DLG2: variants seen among roughly 807,000 people sequenced by gnomAD.
The protein encoded by DLG2 is discs large MAGUK scaffold protein 2.
Under a neutral mutation model 132.5 loss-of-function variants are expected in DLG2, and 45 were observed. The observed-to-expected ratio is 0.34, with a 90% CI of 0.27 to 0.44. The LOEUF (loss-of-function observed/expected upper bound fraction) is 0.44, where lower values mean the gene tolerates loss of function less well. DLG2 is among the 20% of genes least tolerant of loss of function. DLG2 has a pLI of 1.00. For missense variants in DLG2, 1,045 were observed against 1,196.9 expected, an observed-to-expected ratio of 0.87 and a Z score of 1.87; for synonymous variants, 424 against 419.6, an observed-to-expected ratio of 1.01 and a Z score of -0.13.
intron 4 of DLG2, among the ~76,000 whole-genome samples, chr11:85,206,141 C>T (rs1301173284): frequency 6.6e-6 from 1 of 152,102 alleles, no homozygotes; most frequent in African/African-American, 2.4e-5. Context: ...TGATCTCTAT[C>T]TTCCTCCTGC....
chr11:85,255,844 G>C (rs909705146), intron 4 of DLG2, among the ~76,000 whole-genome samples: 27 of 152,274 alleles, frequency 1.8e-4, no homozygotes, highest in African/African-American at 6.5e-4. Context: ...GCAAGACTGA[G>C]TGGGAAAAGA....
At chr11:85,409,521 A>G (rs950519190) in intron 3 of DLG2, among the ~76,000 whole-genome samples, 2 of 151,966 alleles carry the variant, frequency 1.3e-5, no homozygotes, top group Non-Finnish European at 2.9e-5. Context: ...AAAAATGGAT[A>G]CAGAAAAGAA....
intron 10 of DLG2, among the ~76,000 whole-genome samples, chr11:84,082,247 T>C (rs540515586): frequency 6.6e-6 from 1 of 152,200 alleles, no homozygotes; most frequent in East Asian, 1.9e-4. Flanking sequence ...ACAATGCCTG[T>C]GTTATGGTAT....
chr11:84,255,317 C>A (rs1438235704), intron 7 of DLG2, among the ~76,000 whole-genome samples: 3 of 152,042 alleles, frequency 2.0e-5, no homozygotes, highest in African/African-American at 7.2e-5. Flanking sequence ...GCCATATACA[C>A]CCTCTTTATT....
chr11:85,543,087 A>G (rs762067064), intron 3 of DLG2, among the ~76,000 whole-genome samples: 12 of 152,050 alleles, frequency 7.9e-5, no homozygotes, highest in Non-Finnish European at 1.3e-4. Context: ...TGCTGCACCT[A>G]TCAACCCGTC....
chr11:84,835,722 C>G (rs983582603), intron 6 of DLG2, among the ~76,000 whole-genome samples: 7 of 151,550 alleles, frequency 4.6e-5, no homozygotes, highest in African/African-American at 1.7e-4. Flanking sequence ...CAAATGGTAG[C>G]TATCTATATA....
At position 84,384,909 on chromosome 11, in the gene DLG2, T is replaced by C. The variant is rs118042072; in HGVS notation, c.520-133618A>G. On this transcript the variant is annotated intron_variant, in intron 7 of 27. Transcript: ENST00000376104. ...TTCATGATACATTCAAAGGCAACTT[T>C]AACTGAGATTTTGAATTCTTCCATC... Among the ~76,000 whole-genome samples the C allele has an allele frequency of 9.4e-3, 1,432 of 152,226 alleles. 10 individuals carry two copies. Among genetic ancestry groups the C allele is most frequent in the Admixed American group, 0.015 (222 of 15,274 alleles).
intron 3 of DLG2, among the ~76,000 whole-genome samples, chr11:85,558,859 G>A (rs1282012276): frequency 6.6e-6 from 1 of 151,700 alleles, no homozygotes; most frequent in East Asian, 1.9e-4. Flanking sequence ...CCTGGGTGAC[G>A]GGATCAATCA....
At chr11:83,835,376 A>G (rs1197575917) in intron 16 of DLG2, among the ~76,000 whole-genome samples, 1 of 152,152 alleles carries the variant, frequency 6.6e-6, no homozygotes, top group Non-Finnish European at 1.5e-5. Context: ...TGTAGGAGGG[A>G]TAGGTTGTGG....
intron 6 of DLG2, among the ~76,000 whole-genome samples, chr11:84,737,806 C>T (rs1018916854): frequency 6.6e-6 from 1 of 151,896 alleles, no homozygotes; most frequent in Non-Finnish European, 1.5e-5. Context: ...GAAAGTGATA[C>T]ATATTGGGGG....
chr11:84,063,745 A>C (rs2154135887), intron 10 of DLG2, among the ~76,000 whole-genome samples: 1 of 152,330 alleles, frequency 6.6e-6, no homozygotes, highest in South Asian at 2.1e-4. Flanking sequence ...TGGATTAAGA[A>C]AATATGGCAC....
chr11:85,048,041 A>G (rs2062523928), intron 6 of DLG2, among the ~76,000 whole-genome samples: 1 of 152,054 alleles, frequency 6.6e-6, no homozygotes, highest in South Asian at 2.1e-4. Context: ...ATAGTCTACT[A>G]ATTTATTTTA....
chr11:85,221,253 G>T (rs556799011), intron 4 of DLG2, among the ~76,000 whole-genome samples: 2 of 151,874 alleles, frequency 1.3e-5, no homozygotes, highest in Non-Finnish European at 2.9e-5. Context: ...CGCCAGGATG[G>T]TCTCAATCTC....
At chr11:83,828,238 T>C (rs1174849887) in intron 17 of DLG2, among the ~76,000 whole-genome samples, 8 of 152,086 alleles carry the variant, frequency 5.3e-5, no homozygotes, top group Non-Finnish European at 1.2e-4. Flanking sequence ...ATGGGGATTA[T>C]AAAAATTAGC....
intron 6 of DLG2, among the ~76,000 whole-genome samples, chr11:85,077,406 G>T (rs1226315483): frequency 6.6e-6 from 1 of 151,896 alleles, no homozygotes. Flanking sequence ...GACCAAGACT[G>T]CTTCAAAAAG....
chr11:85,473,475 T>C (rs897145218), intron 3 of DLG2, among the ~76,000 whole-genome samples: 9 of 152,188 alleles, frequency 5.9e-5, no homozygotes, highest in Admixed American at 4.6e-4. Context: ...AAAAGAACTA[T>C]ATTTTTTAAA....
chr11:85,367,870 T>C (rs910207695), intron 3 of DLG2, among the ~76,000 whole-genome samples: 3 of 152,202 alleles, frequency 2.0e-5, no homozygotes, highest in Non-Finnish European at 4.4e-5. Flanking sequence ...ATTGCATTTA[T>C]AGAACAAATC....
chr11:84,315,496 A>G (rs1341367283), intron 7 of DLG2, among the ~76,000 whole-genome samples: 1 of 152,154 alleles, frequency 6.6e-6, no homozygotes, highest in Non-Finnish European at 1.5e-5. Context: ...CAGAGATATA[A>G]GCTAAAGACA....
intron 6 of DLG2, among the ~76,000 whole-genome samples, chr11:84,910,626 A>G (rs1003183579): frequency 6.6e-5 from 10 of 152,208 alleles, no homozygotes; most frequent in African/African-American, 2.4e-4. Context: ...AAAGATATAG[A>G]ATTTGGCCAG....
Sources: gnomAD v4.1 joint callset for allele counts (sites outside exome capture counted in the v4.1 genomes callset) on GRCh38, gnomAD v4.1.1 for gene constraint, MANE v1.5 for transcripts, NCBI Gene and HGNC (gene_info 2026-07-23, HGNC 2026-07-21) for gene names.